ATRX: variants seen among roughly 807,000 people sequenced by gnomAD.
ATRX encodes ATRX chromatin remodeler, also known as chromatin remodeler ATRX.
Under a neutral mutation model 172.6 loss-of-function variants are expected in ATRX, and 12 were observed. The observed-to-expected ratio is 0.07, with a 90% confidence interval of 0.04 to 0.11. The LOEUF (loss-of-function observed/expected upper bound fraction) is 0.11, where lower values mean the gene tolerates loss of function less well. ATRX is among the 10% of genes least tolerant of loss of function. The pLI is 1.00. For missense variants in ATRX, 1,368 were observed against 1,767.4 expected, an observed-to-expected ratio of 0.77 and a Z score of 4.05; for synonymous variants, 674 against 594.7, an observed-to-expected ratio of 1.13 and a Z score of -1.94.
chrX:77,702,929 G>A (rs1557154734), intron 2 of ATRX, among the ~76,000 whole-genome samples: 1 of 111,624 alleles, frequency 9.0e-6, no homozygotes, highest in African/African-American at 3.3e-5. Flanking sequence ...TTCTGGCTAT[G>A]TTTCCCAGGC....
chrX:77,575,425 T>C (rs2065580176), intron 27 of ATRX: 2 of 110,911 alleles, frequency 1.8e-5, no homozygotes, highest in South Asian at 7.6e-4. Flanking sequence ...GATACTTGCA[T>C]AAAAAGGTAA....
At chrX:77,510,235 G>A (rs2062825497) in intron 34 of ATRX, among the ~76,000 whole-genome samples, 1 of 111,260 alleles carries the variant, frequency 9.0e-6, no homozygotes, top group Non-Finnish European at 1.9e-5. Context: ...ATCCTGACAG[G>A]ATTCAACATC....
chrX:77,525,048 T>C (rs2063339018), intron 30 of ATRX, among the ~76,000 whole-genome samples: 1 of 112,048 alleles, frequency 8.9e-6, no homozygotes, highest in African/African-American at 3.2e-5. Context: ...TTGAGATGTA[T>C]GTGTGTGCTA....
chrX:77,593,552 G>C, intron 26 of ATRX, 144 bp downstream of exon 26: 1 of 569,613 alleles, frequency 1.8e-6, no homozygotes, highest in Non-Finnish European at 2.8e-6. Flanking sequence ...ATAGTTGCTT[G>C]TATTGGCCTA....
At chrX:77,558,916 CT>C (rs1557060487) in intron 28 of ATRX, 70 bp from the exon 29 acceptor site, 2 of 861,926 alleles carry the variant, frequency 2.3e-6, no homozygotes, top group Non-Finnish European at 3.3e-6. Flanking sequence ...TACAATATGA[CT>C]TTTTGATACT....
At chrX:77,540,931 C>T (rs1452082506) in intron 30 of ATRX, among the ~76,000 whole-genome samples, 5 of 110,815 alleles carry the variant, frequency 4.5e-5, no homozygotes, top group African/African-American at 1.6e-4. Flanking sequence ...GCAACATATT[C>T]AAAAGCTAGC....
intron 30 of ATRX, among the ~76,000 whole-genome samples, chrX:77,524,368 T>A (rs2063319475): frequency 8.9e-6 from 1 of 112,223 alleles, no homozygotes; most frequent in Non-Finnish European, 1.9e-5. Flanking sequence ...ATGAAAGTAG[T>A]GGAGGTATAC....
In ATRX at chrX:77,676,269, C is replaced by A; in HGVS notation, c.3766G>T (p.Val1256Phe). The change falls in exon 10 of 35, where the codon GTC becomes TTC. Residue 1256 changes from valine (V) to phenylalanine (F), a missense_variant. By Grantham distance (50) the Val-to-Phe change is conservative. Transcript: ENST00000373344. ...TCGTCATCATCATCATCCACTGTGA[C>A]AGGCACTGATTTAGATAAGGCTTCA... ...GDEALSKSVP[V>F]TVDDDDDDND... 8.3e-7 allele frequency: 1 copy of A among 1,207,639 alleles called. No individual in the cohort carries two copies. The highest frequency in any genetic ancestry group is 1.1e-6 in the Non-Finnish European group (1 of 892,752).
chrX:77,511,683 G>T (rs1436123555), intron 34 of ATRX, among the ~76,000 whole-genome samples: 3 of 111,961 alleles, frequency 2.7e-5, no homozygotes, highest in Non-Finnish European at 5.6e-5. Context: ...ACTGAAGAAT[G>T]TATTAAGAGT....
intron 15 of ATRX, among the ~76,000 whole-genome samples, chrX:77,648,577 G>A (rs782112639): frequency 9.7e-6 from 1 of 103,014 alleles, no homozygotes; most frequent in African/African-American, 3.5e-5. Context: ...CAATGAAATA[G>A]AAAAGGGTCA....
At chrX:77,590,043 C>G in intron 26 of ATRX, 103 bp from the exon 27 acceptor site, 1 of 729,131 alleles carries the variant, frequency 1.4e-6, no homozygotes, top group South Asian at 2.5e-5. Context: ...ACAAAAATCC[C>G]AGCAGGATTT....
At chrX:77,745,588 T>C (rs1201363027) in intron 1 of ATRX, among the ~76,000 whole-genome samples, 1 of 111,355 alleles carries the variant, frequency 9.0e-6, no homozygotes, top group Non-Finnish European at 1.9e-5. Flanking sequence ...TACCAGAGGC[T>C]AGGACGGGTA....
At chrX:77,715,560 C>A (rs908472756) in intron 2 of ATRX, among the ~76,000 whole-genome samples, 20 of 112,340 alleles carry the variant, frequency 1.8e-4, no homozygotes, top group African/African-American at 6.1e-4. Flanking sequence ...TCTATCATTT[C>A]TGTTGTTAAG....
At chrX:77,537,501 A>G (rs1557048780) in intron 30 of ATRX, among the ~76,000 whole-genome samples, 1 of 110,405 alleles carries the variant, frequency 9.1e-6, no homozygotes, top group African/African-American at 3.3e-5. Context: ...CACCTTTTCT[A>G]ATAGTGTGAA....
chrX:77,513,222 T>C (rs1417893786), intron 34 of ATRX, among the ~76,000 whole-genome samples: 10 of 96,224 alleles, frequency 1.0e-4, no homozygotes, highest in South Asian at 4.9e-4. Context: ...GAGGCTAAGA[T>C]AGGAGAATGG....
At chrX:77,718,650 A>G (rs782135267) in intron 1 of ATRX, among the ~76,000 whole-genome samples, 32 of 111,831 alleles carry the variant, frequency 2.9e-4, no homozygotes, top group African/African-American at 9.1e-4. Flanking sequence ...CTGGGATTAC[A>G]GGCGTGAGCC....
chrX:77,678,628 A>C (rs1345047823), intron 9 of ATRX, among the ~76,000 whole-genome samples: 2 of 111,207 alleles, frequency 1.8e-5, no homozygotes, highest in South Asian at 7.7e-4. Flanking sequence ...CTGGGATTAC[A>C]GGTGTGCGCC....
chrX:77,692,189 A>G (rs1381925784), intron 6 of ATRX, among the ~76,000 whole-genome samples: 4 of 111,853 alleles, frequency 3.6e-5, no homozygotes, highest in Non-Finnish European at 5.6e-5. Flanking sequence ...AATGCAGAAC[A>G]CTTAGTTATT....
chrX:77,769,746 T>C (rs781922351), intron 1 of ATRX, among the ~76,000 whole-genome samples: 1 of 112,135 alleles, frequency 8.9e-6, no homozygotes, highest in South Asian at 3.7e-4. Flanking sequence ...TTTTCAAATA[T>C]GAGAACTGCT....
Sources: allele counts gnomAD v4.1 joint callset (sites outside exome capture counted in the v4.1 genomes callset), GRCh38; gene constraint gnomAD v4.1.1; transcripts MANE v1.5; gene names NCBI Gene and HGNC (gene_info 2026-07-23, HGNC 2026-07-21).